The following EPB41L3 variants were observed in gnomAD, a reference collection of about 807,000 sequenced individuals.
EPB41L3 encodes the protein band 4.1-like protein 3.
In EPB41L3, 57 loss-of-function variants were observed where a neutral mutation model predicts 127.1. The ratio of observed to expected loss-of-function variants is 0.45; its 90% CI spans 0.36 to 0.56. EPB41L3 has a LOEUF of 0.56. Ranked by LOEUF, EPB41L3 falls within the 20% of genes least tolerant of loss-of-function variation. The pLI, the probability that EPB41L3 is intolerant of heterozygous loss-of-function variation, is 0.00. For missense variants in EPB41L3, 1,273 were observed against 1,372.2 expected (o/e 0.93, Z 1.14); for synonymous variants, 572 against 549.5 (o/e 1.04, Z -0.57).
At chr18:5,615,640 C>T (rs555240455) in intron 1 of EPB41L3, among the ~76,000 whole-genome samples, 4 of 152,162 alleles carry the variant, frequency 2.6e-5, no homozygotes, top group Non-Finnish European at 4.4e-5. Flanking sequence ...ATATTTCCAG[C>T]CCTCAGGGCA....
At position 5,397,135 on chromosome 18, in the gene EPB41L3, C is replaced by T; in HGVS notation, c.2764G>A (p.Ala922Thr). ...TGCTCCTCTTGTCGCTCACGGGAAGCAGCGGCTGTCTCTTCCTGTTCCAGG... is the reference window on the plus strand; with the variant it reads ...TGCTCCTCTTGTCGCTCACGGGAAGTAGCGGCTGTCTCTTCCTGTTCCAGG... ...AVLEQEETAAASRERQEEQSA... is the reference protein window; with the variant it reads ...AVLEQEETAATSRERQEEQSA... Residue 922 changes from alanine to threonine, a missense_variant, in exon 18 of 23, where the codon GCT becomes ACT. Around this residue, in one of 3 missense-constraint regions of EPB41L3, gnomAD observed 765 missense variants for 782.9 expected, o/e 0.98. Transcript: ENST00000341928. The surrounding 1 kb of genome is among the most constrained non-coding windows in gnomAD (Gnocchi z 4.1). 1 of 1,614,188 alleles carries T rather than the reference C, an allele frequency of 6.2e-7. No homozygotes were observed. The highest frequency in any genetic ancestry group is 1.1e-5 in the South Asian group (1 of 91,074).
At position 5,440,929 on chromosome 18, in the gene EPB41L3, TGCAGTG is replaced by T. The variant is rs1460822478; in HGVS notation, c.530-2825_530-2820del. Among the ~76,000 whole-genome samples the T allele has an allele frequency of 1.2e-4, 19 of 152,264 alleles. No individual in the cohort carries two copies. The South Asian group carries it at 3.7e-3, about 30-fold the overall frequency. On this transcript the variant is annotated intron_variant, in intron 5 of 22. Coordinates refer to ENST00000341928, the MANE Select transcript of EPB41L3 (RefSeq NM_012307.5). ...TCTCACTCTGACACCCAGACTGGAG[TGCAGTG>T]GCACAATCACAGCTCACTGCAGCCT... is the stretch of plus-strand genomic sequence containing the variant.
At chr18:5,466,446 A>T (rs999509994) in intron 3 of EPB41L3, 3 of 152,192 alleles carry the variant, frequency 2.0e-5, no homozygotes, top group Non-Finnish European at 4.4e-5. Flanking sequence ...GGTTCTTAGT[A>T]AATATTTCAT....
Position 5,489,239 on chromosome 18 carries a change from C to A in EPB41L3, c.-11-45G>T, listed in dbSNP as rs775005455. On this transcript the variant is annotated intron_variant, in intron 1 of 22. Coordinates refer to ENST00000341928, the MANE Select transcript of EPB41L3 (RefSeq NM_012307.5). ...AAGAGCAGGTCACTCCGTGCCACTA[C>A]CTTCCCTCTGCAAGAAAACTAGGAT... is the stretch of plus-strand genomic sequence containing the variant. The A allele has an allele frequency of 1.9e-6, 3 of 1,551,230 alleles. No homozygotes were observed. In the South Asian group the frequency reaches 3.6e-5, roughly 19 times the overall value.
intron 11 of EPB41L3, chr18:5,420,323 G>T (rs1568084082): frequency 5.7e-6 from 1 of 174,862 alleles, no homozygotes; most frequent in African/African-American, 2.4e-5. Flanking sequence ...GTACACAATT[G>T]CTCTAATACA....
chr18:5,452,647 T>C (rs2082435530), intron 3 of EPB41L3, among the ~76,000 whole-genome samples: 1 of 151,776 alleles, frequency 6.6e-6, no homozygotes, highest in Non-Finnish European at 1.5e-5. Flanking sequence ...CAGGAAATGA[T>C]AAACTGGCCA....
intron 3 of EPB41L3, among the ~76,000 whole-genome samples, chr18:5,597,409 T>A (rs2094547449): frequency 6.6e-6 from 1 of 152,210 alleles, no homozygotes; most frequent in South Asian, 2.1e-4. Flanking sequence ...GTGCATTACA[T>A]TACAATGTAT....
At chr18:5,449,094 G>C (rs924659025) in intron 3 of EPB41L3, among the ~76,000 whole-genome samples, 1 of 152,166 alleles carries the variant, frequency 6.6e-6, no homozygotes, top group African/African-American at 2.4e-5. Context: ...ACACGTATCT[G>C]ATAAAGAACT....
intron 1 of EPB41L3, among the ~76,000 whole-genome samples, chr18:5,621,897 A>G (rs1336680435): frequency 6.6e-6 from 1 of 152,230 alleles, no homozygotes; most frequent in East Asian, 1.9e-4. Flanking sequence ...AGAATAAGCA[A>G]GGCTAAATAT....
At chr18:5,509,426 G>A (rs2092404154) in intron 1 of EPB41L3, among the ~76,000 whole-genome samples, 1 of 152,174 alleles carries the variant, frequency 6.6e-6, no homozygotes, top group African/African-American at 2.4e-5. Flanking sequence ...AGTTAAACGT[G>A]GTAGGAAGAA....
At chr18:5,423,633 G>T in intron 10 of EPB41L3, 80 bp from the exon 11 acceptor site, 2 of 1,276,392 alleles carry the variant, frequency 1.6e-6, no homozygotes, top group Non-Finnish European at 2.1e-6. Context: ...TACTCTGAGA[G>T]GTCATGTGTT....
intron 1 of EPB41L3, among the ~76,000 whole-genome samples, chr18:5,529,713 TTC>T (rs1370194987): frequency 2.0e-5 from 3 of 152,220 alleles, no homozygotes; most frequent in African/African-American, 7.2e-5. Context: ...CCCTTGCAGA[TTC>T]TCTTTACTCT....
At chr18:5,544,155 G>A (rs1001992116), upstream of EPB41L3, 123 of 985,388 alleles carry the variant, frequency 1.2e-4, no homozygotes, top group Admixed American at 6.1e-4. Flanking sequence ...TCCCAGCCGC[G>A]GGGGAGGGGG....
At chr18:5,462,130 AT>A (rs918062214) in intron 3 of EPB41L3, among the ~76,000 whole-genome samples, 2 of 152,208 alleles carry the variant, frequency 1.3e-5, no homozygotes, top group South Asian at 4.1e-4. Flanking sequence ...CACTCTTCAC[AT>A]TTTTTAATAA....
At chr18:5,580,680 C>G (rs1279144493) in intron 3 of EPB41L3, among the ~76,000 whole-genome samples, 3 of 152,048 alleles carry the variant, frequency 2.0e-5, no homozygotes, top group Non-Finnish European at 4.4e-5. Context: ...GCATAAATGC[C>G]CACACTTATG....
intron 8 of EPB41L3, 50 bp downstream of exon 8, chr18:5,433,419 C>T: frequency 1.5e-6 from 2 of 1,314,876 alleles, no homozygotes; most frequent in Non-Finnish European, 2.2e-6. Context: ...ATAACAACAT[C>T]AAGTTACATA....
At chr18:5,449,455 TTCAACAA>T (rs111293455) in intron 3 of EPB41L3, among the ~76,000 whole-genome samples, 2,198 of 152,332 alleles carry the variant, frequency 0.014, 20 homozygotes, top group South Asian at 0.041. Flanking sequence ...TCTTGCAGTA[TTCAACAA>T]TCATGCTCCT....
At chr18:5,546,547 A>G (rs376061599), upstream of EPB41L3, among the ~76,000 whole-genome samples, 1 of 152,184 alleles carries the variant, frequency 6.6e-6, no homozygotes. Context: ...ACAACAACAA[A>G]CAAACAAACA....
chr18:5,605,142 C>T (rs903562526), intron 3 of EPB41L3, among the ~76,000 whole-genome samples: 1 of 152,080 alleles, frequency 6.6e-6, no homozygotes, highest in Non-Finnish European at 1.5e-5. Context: ...GGAAGTCATC[C>T]CCACTCCAGT....
Sources: allele counts gnomAD v4.1 joint callset (sites outside exome capture counted in the v4.1 genomes callset), GRCh38; gene constraint gnomAD v4.1.1; regional missense constraint gnomAD v4.1.1; non-coding constraint Gnocchi (gnomAD v3.1); transcripts MANE v1.5; gene names NCBI Gene and HGNC (gene_info 2026-07-23, HGNC 2026-07-21).